The following PHTF2 variants were observed in gnomAD, a reference collection of about 807,000 sequenced individuals.
The protein encoded by PHTF2 is putative homeodomain transcription factor 2.
Under a neutral mutation model 101.2 loss-of-function variants are expected in PHTF2, and 60 were observed. That is an observed-to-expected ratio of 0.59 (90% CI 0.48 to 0.73). PHTF2 has a LOEUF of 0.73. Among genes scored for constraint, PHTF2 ranks in the 30% least tolerant of loss-of-function variants. The pLI, the probability that PHTF2 is intolerant of heterozygous loss-of-function variation, is 0.00. For synonymous variants in PHTF2, 311 were observed against 307.3 expected (o/e 1.01, Z -0.13); for missense variants, 747 against 908.7 (o/e 0.82, Z 2.29).
intron 1 of PHTF2, among the ~76,000 whole-genome samples, chr7:77,808,117 G>C (rs1584350900): frequency 6.6e-6 from 1 of 152,082 alleles, no homozygotes; most frequent in African/African-American, 2.4e-5. Context: ...GGAAGTGTGA[G>C]TCCTCCAAAT....
At chr7:77,936,456 C>A (rs370751509) in intron 12 of PHTF2, among the ~76,000 whole-genome samples, 1 of 152,152 alleles carries the variant, frequency 6.6e-6, no homozygotes, top group East Asian at 1.9e-4. Flanking sequence ...GTGGGCAGAT[C>A]ACAAGTTCAG....
intron 1 of PHTF2, among the ~76,000 whole-genome samples, chr7:77,835,098 C>A (rs1383795637): frequency 6.6e-6 from 1 of 151,764 alleles, no homozygotes; most frequent in Non-Finnish European, 1.5e-5. Context: ...CAGGGTGAAA[C>A]CCTGTCTCTA....
chr7:77,836,435 A>G (rs908143121), intron 1 of PHTF2, among the ~76,000 whole-genome samples: 1 of 152,178 alleles, frequency 6.6e-6, no homozygotes, highest in Non-Finnish European at 1.5e-5. Flanking sequence ...CAGACTTAAC[A>G]TACCATCTCT....
intron 7 of PHTF2, among the ~76,000 whole-genome samples, chr7:77,903,004 G>T (rs1282075552): frequency 6.6e-6 from 1 of 151,658 alleles, no homozygotes; most frequent in African/African-American, 2.4e-5. Flanking sequence ...AAAAGCTAAA[G>T]AAAAAAAGAA....
chr7:77,912,169 A>T (rs1301711193), intron 9 of PHTF2, among the ~76,000 whole-genome samples: 3 of 152,236 alleles, frequency 2.0e-5, no homozygotes, highest in Non-Finnish European at 4.4e-5. Flanking sequence ...CAGCATGACC[A>T]TGATCATGAC....
Position 77,949,668 on chromosome 7 carries a change from A to T in PHTF2, c.1960-10A>T. 1 of 1,499,702 alleles carries T rather than the reference A, an allele frequency of 6.7e-7. No homozygotes were observed. Among genetic ancestry groups the T allele is most frequent in the Admixed American group, 2.2e-5 (1 of 46,166 alleles). 92.9% of individuals were successfully genotyped at this position (1,499,702 alleles called of 1,614,324 possible). A position where few individuals can be genotyped will look rare whatever the true frequency, so the allele number is the denominator to read the frequency against. On this transcript the variant is annotated splice_polypyrimidine_tract_variant and intron_variant, in intron 16 of 19. Coordinates refer to ENST00000416283, the Ensembl canonical transcript of PHTF2. ...ATTGCTGCTTTATGTTACCTTTTTC[A>T]TACTTTTAGCTACTTCATGTACACG...
rs1398090996 is a variant in PHTF2, at chr7:77,947,832, TC to T, written c.1960-1845del. ...AAGATTTATTTTCTTTTTTCTTTTT[TC>T]TTTCTTTTTTTTTTTTTTTTTTGAG... On this transcript the variant is annotated intron_variant, in intron 16 of 19. Transcript: ENST00000416283. 8.1e-4 allele frequency among the ~76,000 whole-genome samples: 91 copies of T among 112,734 alleles called. 2 individuals carry two copies. Among genetic ancestry groups the T allele is most frequent in the African/African-American group, 3.3e-3 (86 of 26,034 alleles). The allele number at this position is 112,734 out of a possible 152,430, so 74.0% of individuals were successfully genotyped here. A position where few individuals can be genotyped will look rare whatever the true frequency, so the allele number is the denominator to read the frequency against.
chr7:77,814,900 C>A (rs962266257), intron 1 of PHTF2, among the ~76,000 whole-genome samples: 2 of 151,898 alleles, frequency 1.3e-5, no homozygotes, highest in African/African-American at 4.8e-5. Context: ...CTTGGTGAAA[C>A]CTTTTCTCTA....
chr7:77,899,239 A>G (rs1429598191), intron 5 of PHTF2, among the ~76,000 whole-genome samples: 1 of 152,232 alleles, frequency 6.6e-6, no homozygotes, highest in Non-Finnish European at 1.5e-5. Flanking sequence ...AAGCACAAAA[A>G]TGTGAAAAAC....
chr7:77,825,620 G>A (rs980187733), intron 1 of PHTF2, among the ~76,000 whole-genome samples: 4 of 152,178 alleles, frequency 2.6e-5, no homozygotes, highest in Non-Finnish European at 4.4e-5. Flanking sequence ...TTTCTGTGTC[G>A]TTGGATTATA....
chr7:77,835,765 G>A (rs1434029545), intron 1 of PHTF2, among the ~76,000 whole-genome samples: 1 of 152,104 alleles, frequency 6.6e-6, no homozygotes, highest in Non-Finnish European at 1.5e-5. Context: ...TATGTTATAT[G>A]TTTATATACT....
chr7:77,846,590 TCCCCTCGC>T (rs1796310979), intron 2 of PHTF2, among the ~76,000 whole-genome samples: 1 of 40,988 alleles, frequency 2.4e-5, no homozygotes, highest in African/African-American at 9.8e-5. Flanking sequence ...TCCCCTCGCC[TCCCCTCGC>T]CTCCCTTCCC....
chr7:77,938,021 C>G, intron 13 of PHTF2, 183 bp downstream of exon 12: 1 of 263,604 alleles, frequency 3.8e-6, no homozygotes, highest in Non-Finnish European at 7.2e-6. Context: ...AAACCACTCT[C>G]ATCTTCTAGT....
chr7:77,922,940 T>C (rs1803621116), intron 11 of PHTF2, 162 bp downstream of exon 10: 2 of 1,362,600 alleles, frequency 1.5e-6, no homozygotes. Context: ...CAGTTTTAGG[T>C]TTACGTATTG....
chr7:77,933,709 G>GTT (rs1157738956), intron 12 of PHTF2, among the ~76,000 whole-genome samples: 5 of 127,254 alleles, frequency 3.9e-5, no homozygotes, highest in African/African-American at 1.0e-4. Flanking sequence ...CAGGGACCAT[G>GTT]TGTTTTTTTT....
chr7:77,816,912 A>G (rs117714897), intron 1 of PHTF2, among the ~76,000 whole-genome samples: 3,324 of 152,222 alleles, frequency 0.022, 51 homozygotes, highest in Non-Finnish European at 0.031. Context: ...GATTCTTTTT[A>G]TGGCAAAACA....
intron 1 of PHTF2, among the ~76,000 whole-genome samples, chr7:77,837,589 T>C (rs1417566426): frequency 6.6e-6 from 1 of 152,194 alleles, no homozygotes; most frequent in Non-Finnish European, 1.5e-5. Flanking sequence ...GGTTTTTTTA[T>C]TTTAAACAGA....
intron 7 of PHTF2, among the ~76,000 whole-genome samples, chr7:77,902,815 A>T (rs1400277057): frequency 6.6e-6 from 1 of 152,164 alleles, no homozygotes; most frequent in African/African-American, 2.4e-5. Flanking sequence ...AAAATATAAT[A>T]AAAACTGCAG....
chr7:77,931,378 A>G (rs1804549929), intron 12 of PHTF2, among the ~76,000 whole-genome samples: 1 of 152,250 alleles, frequency 6.6e-6, no homozygotes, highest in Admixed American at 6.5e-5. Context: ...CAGGACATAA[A>G]GAACTCCTAC....
Sources: gnomAD v4.1 joint callset for allele counts (sites outside exome capture counted in the v4.1 genomes callset) on GRCh38, gnomAD v4.1.1 for gene constraint, MANE v1.5 for transcripts, NCBI Gene and HGNC (gene_info 2026-07-23, HGNC 2026-07-21) for gene names.